Variants in IGSF10 observed in about 807,000 individuals in gnomAD.
IGSF10 encodes calvaria mechanical force protein 608.
In IGSF10, 126 loss-of-function variants were observed where a neutral mutation model predicts 128.2. The ratio of observed to expected loss-of-function variants is 0.98; its 90% CI spans 0.85 to 1.14. The LOEUF (loss-of-function observed/expected upper bound fraction) is 1.14, where lower values mean the gene tolerates loss of function less well. Among genes scored for constraint, IGSF10 ranks in the 50% most tolerant of loss-of-function variants. The pLI, the probability that IGSF10 is intolerant of heterozygous loss-of-function variation, is 0.00. For synonymous variants in IGSF10, 1,185 were observed against 1,146.2 expected (o/e 1.03, Z -0.68); for missense variants, 3,295 against 3,149.8 (o/e 1.05, Z -1.10).
chr3:151,515,393 C>G, the IGSF10 span, among the ~76,000 whole-genome samples: 2 of 144,446 alleles, frequency 1.4e-5, no homozygotes, highest in Non-Finnish European at 3.0e-5. Flanking sequence ...ACCGCATATT[C>G]TCACTCATAG....
chr3:151,594,554 C>G, the IGSF10 span, among the ~76,000 whole-genome samples: 1 of 151,578 alleles, frequency 6.6e-6, no homozygotes, highest in African/African-American at 2.4e-5. Context: ...ATCTCCTGAC[C>G]TCGTGATCCG....
the IGSF10 span, among the ~76,000 whole-genome samples, chr3:151,604,768 T>G: frequency 6.6e-6 from 1 of 152,144 alleles, no homozygotes; most frequent in African/African-American, 2.4e-5. Flanking sequence ...TTCTTGTTAT[T>G]TGCAGTAGTT....
At chr3:151,514,652 A>G in the IGSF10 span, among the ~76,000 whole-genome samples, 5 of 152,210 alleles carry the variant, frequency 3.3e-5, no homozygotes, top group African/African-American at 7.2e-5. Flanking sequence ...CTGCACAGCA[A>G]AAGAAACCAC....
the IGSF10 span, among the ~76,000 whole-genome samples, chr3:151,511,365 A>C: frequency 6.6e-6 from 1 of 152,178 alleles, no homozygotes; most frequent in Non-Finnish European, 1.5e-5. Flanking sequence ...CAGCCAAAAT[A>C]AGCTTCATAA....
At chr3:151,572,033 C>T in the IGSF10 span, among the ~76,000 whole-genome samples, 95 of 152,148 alleles carry the variant, frequency 6.2e-4, 1 homozygote, top group East Asian at 0.015. Flanking sequence ...TATTGGTTTG[C>T]GTATGTTGCA....
chr3:151,457,106 T>G lies in IGSF10; in HGVS notation c.244A>C (p.Lys82Gln), dbSNP rs775528718. The change falls in exon 4 of 8, where the codon AAA becomes CAA. Residue 82 changes from lysine (K) to glutamine (Q), a missense_variant. Physicochemically the swap from Lys to Gln is moderately conservative, Grantham distance 53. Transcript: ENST00000282466. Reference sequence around the variant, plus strand: ...CTGTGAAGCATGAGTAACTCCAGTTTGGTCAGGCCAGAAAAATCTGTTTCC... The same window carrying G: ...CTGTGAAGCATGAGTAACTCCAGTTGGGTCAGGCCAGAAAAATCTGTTTCC... ...LMETDFSGLTKLELLMLHSNG... is the reference protein window; with the variant it reads ...LMETDFSGLTQLELLMLHSNG... The G allele has an allele frequency of 3.1e-5, 50 of 1,614,072 alleles. No individual in the cohort carries two copies. Among genetic ancestry groups the G allele is most frequent in the Non-Finnish European group, 4.2e-5 (49 of 1,180,008 alleles).
rs1400265174 is a variant in IGSF10 at position 151,448,712 on chromosome 3, T to C, written c.1269A>G (p.Arg423=). Residue 423 remains arginine, a synonymous_variant, in exon 6 of 8, where the codon AGA becomes AGG. Coordinates refer to ENST00000282466, the MANE Select transcript of IGSF10 (RefSeq NM_178822.5). ...CTTGCATTAACCAAGAGGGATCTGC[T>C]CTGAGATCTGCCTCTATGTTGGTAA... The part of the protein sequence containing the change: ...DIFTNIEADL[R]ADPSWLMQDQ... 3 of 1,613,978 alleles carry C rather than the reference T, an allele frequency of 1.9e-6. 1 individual carries two copies. The highest frequency in any genetic ancestry group is 1.7e-5 in the Admixed American group (1 of 60,024).
At chr3:151,566,502 C>A in the IGSF10 span, among the ~76,000 whole-genome samples, 17 of 152,174 alleles carry the variant, frequency 1.1e-4, no homozygotes, top group African/African-American at 3.6e-4. Context: ...CATGTGTTGT[C>A]CCTGCTTTGG....
the IGSF10 span, among the ~76,000 whole-genome samples, chr3:151,512,588 C>A: frequency 6.6e-6 from 1 of 151,944 alleles, no homozygotes; most frequent in Non-Finnish European, 1.5e-5. Context: ...CAAAAGCTAG[C>A]AGAAGGCAAG....
the IGSF10 span, among the ~76,000 whole-genome samples, chr3:151,473,527 G>A: frequency 6.6e-6 from 1 of 152,122 alleles, no homozygotes; most frequent in Non-Finnish European, 1.5e-5. Context: ...TACCTATGTT[G>A]GTACAAGTAA....
intron 5 of IGSF10, among the ~76,000 whole-genome samples, chr3:151,452,286 T>C (rs1018488924): frequency 2.6e-5 from 4 of 152,244 alleles, no homozygotes; most frequent in Non-Finnish European, 5.9e-5. Context: ...TTATGCAGTG[T>C]ACTTACACAA....
At position 151,438,225 on chromosome 3, in the gene IGSF10, C is replaced by T. The variant is rs78115932; in HGVS notation, c.6336G>A (p.Ala2112=). ...GTLYFNKVGV[A]EEGDYTCYAQ... is the part of the protein sequence containing the mutation. ...CATAGCAAGTATAATCTCCTTCCTC[C>T]GCTACCCCAACTTTGTTGAAGTATA... Residue 2112 remains alanine, a synonymous_variant, in exon 8 of 8, where the codon GCG becomes GCA. Transcript: ENST00000282466. 9,046 of 1,614,100 alleles carry T rather than the reference C, an allele frequency of 5.6e-3. 352 individuals are homozygous for T. The African/African-American group carries it at 0.096, about 17-fold the overall frequency.
At chr3:151,591,448 T>TTA in the IGSF10 span, among the ~76,000 whole-genome samples, 1 of 143,556 alleles carries the variant, frequency 7.0e-6, no homozygotes, top group African/African-American at 2.5e-5. Flanking sequence ...AATATATATA[T>TTA]TATATATATA....
rs757471862 is a variant in IGSF10, at chr3:151,436,437, A to ATGTT, written c.*248_*251dup. 2.6e-4 allele frequency: 92 copies of ATGTT among 355,146 alleles called. No homozygotes were observed. Among genetic ancestry groups the ATGTT allele is most frequent in the African/African-American group, 4.9e-4 (23 of 47,312 alleles). 22.0% of individuals were successfully genotyped at this position (355,146 alleles called of 1,614,324 possible). A position where few individuals can be genotyped will look rare whatever the true frequency, so the allele number is the denominator to read the frequency against. On this transcript the variant is annotated 3_prime_UTR_variant, in exon 8 of 8. Coordinates refer to ENST00000282466, the MANE Select transcript of IGSF10 (RefSeq NM_178822.5). The stretch of plus-strand genomic sequence containing the variant: ...TGTTATTTTATAGTGAACCGTTTCA[A>ATGTT]TGTTTGTTTATTGTTATTTGTTGGC...
the IGSF10 span, among the ~76,000 whole-genome samples, chr3:151,520,114 T>C: frequency 6.6e-6 from 1 of 151,684 alleles, no homozygotes; most frequent in Admixed American, 6.6e-5. Context: ...GAAAAAAAAG[T>C]GGTAGCTTAC....
the IGSF10 span, among the ~76,000 whole-genome samples, chr3:151,591,184 T>C: frequency 1.3e-5 from 2 of 151,448 alleles, no homozygotes; most frequent in Admixed American, 1.3e-4. Context: ...GTTGGCATAA[T>C]GCATCAAGAA....
At position 151,453,409 on chromosome 3, in the gene IGSF10, C is replaced by G; in HGVS notation, c.690G>C (p.Leu230Phe). The G allele has an allele frequency of 6.2e-7, 1 of 1,603,530 alleles. No individual in the cohort carries two copies. Among genetic ancestry groups the G allele is most frequent in the Non-Finnish European group, 8.5e-7 (1 of 1,177,082 alleles). Residue 230 changes from leucine (L) to phenylalanine (F), a missense_variant, in exon 5 of 8, where the codon TTG becomes TTC. Coordinates refer to ENST00000282466, the MANE Select transcript of IGSF10 (RefSeq NM_178822.5). ...CTGGCTTCTCCTGTATCCAGTCAGA[C>G]AACCACTTTAAATGGCAATCACAGG... ...PWTCDCHLKW[L>F]SDWIQEKPDV...
At chr3:151,537,649 TG>T in the IGSF10 span, among the ~76,000 whole-genome samples, 5 of 152,350 alleles carry the variant, frequency 3.3e-5, no homozygotes, top group African/African-American at 1.2e-4. Context: ...TAGTCTGTAA[TG>T]GCCTGTTATT....
chr3:151,607,893 AGAGT>A, the IGSF10 span, among the ~76,000 whole-genome samples: 84 of 137,678 alleles, frequency 6.1e-4, no homozygotes, highest in African/African-American at 2.2e-3. Context: ...CCTGGGCGAC[AGAGT>A]GAGACTCCAT....
Sources: gnomAD v4.1 joint callset for allele counts (sites outside exome capture counted in the v4.1 genomes callset) on GRCh38, gnomAD v4.1.1 for gene constraint, MANE v1.5 for transcripts, NCBI Gene and HGNC (gene_info 2026-07-23, HGNC 2026-07-21) for gene names.